FTO: variants seen among roughly 807,000 people sequenced by gnomAD.
FTO encodes FTO alpha-ketoglutarate dependent dioxygenase, also known as alpha-ketoglutarate-dependent dioxygenase FTO.
Under a neutral mutation model 63.9 loss-of-function variants are expected in FTO, and 47 were observed. The ratio of observed to expected loss-of-function variants is 0.74; its 90% CI spans 0.58 to 0.94. The LOEUF is 0.94. FTO is among the 40% of genes least tolerant of loss of function. The probability of loss-of-function intolerance (pLI) is 0.00; values close to 1 mark genes in which losing one functional copy is unlikely to be tolerated. For missense variants in FTO, 562 were observed against 618.1 expected, an observed-to-expected ratio of 0.91 and a Z score of 0.96; for synonymous variants, 207 against 224.4, an observed-to-expected ratio of 0.92 and a Z score of 0.69.
chr16:53,827,006 C>T (rs2079025732), intron 3 of FTO, among the ~76,000 whole-genome samples: 2 of 152,178 alleles, frequency 1.3e-5, no homozygotes, highest in African/African-American at 4.8e-5. Context: ...TTGTTCTTGG[C>T]TTCCTATAGT....
At chr16:53,966,408 A>G (rs2083198449) in intron 8 of FTO, among the ~76,000 whole-genome samples, 4 of 152,216 alleles carry the variant, frequency 2.6e-5, no homozygotes. Context: ...ATTGTGTTGA[A>G]TAAATGGCAT....
chr16:53,864,226 T>C (rs1318667174), intron 4 of FTO, among the ~76,000 whole-genome samples: 2 of 152,186 alleles, frequency 1.3e-5, no homozygotes, highest in Non-Finnish European at 2.9e-5. Flanking sequence ...AAGACTGGAT[T>C]TCAGTACTGG....
At chr16:53,706,950 C>T (rs2151454391) in intron 1 of FTO, among the ~76,000 whole-genome samples, 1 of 152,254 alleles carries the variant, frequency 6.6e-6, no homozygotes, top group South Asian at 2.1e-4. Flanking sequence ...AGAGTCTTTA[C>T]ATTTTTATTT....
intron 1 of FTO, among the ~76,000 whole-genome samples, chr16:53,761,513 A>G (rs2077069243): frequency 6.6e-6 from 1 of 152,224 alleles, no homozygotes; most frequent in Admixed American, 6.5e-5. Context: ...TTAATCATTA[A>G]TTTGTATGTC....
At chr16:53,943,017 TC>T (rs1418954333) in intron 8 of FTO, among the ~76,000 whole-genome samples, 1 of 152,186 alleles carries the variant, frequency 6.6e-6, no homozygotes, top group Non-Finnish European at 1.5e-5. Context: ...CTAGTTGCCA[TC>T]CGGGTCTTTT....
intron 8 of FTO, among the ~76,000 whole-genome samples, chr16:54,038,135 C>T (rs185026450): frequency 2.0e-4 from 31 of 152,228 alleles, no homozygotes; most frequent in Admixed American, 3.9e-4. Context: ...GCTAAAGCTG[C>T]ATTAAATTAT....
At chr16:53,986,692 G>T (rs1459158878) in intron 8 of FTO, among the ~76,000 whole-genome samples, 1 of 152,160 alleles carries the variant, frequency 6.6e-6, no homozygotes, top group Non-Finnish European at 1.5e-5. Flanking sequence ...ATCTCTAGTA[G>T]AGTGTGTCTA....
chr16:53,751,328 G>A (rs1339501989), intron 1 of FTO, among the ~76,000 whole-genome samples: 2 of 152,048 alleles, frequency 1.3e-5, no homozygotes, highest in Admixed American at 6.5e-5. Context: ...CGTGGTGGCC[G>A]GTGCCTGTAG....
intron 5 of FTO, among the ~76,000 whole-genome samples, chr16:53,874,490 T>G (rs558421442): frequency 1.1e-3 from 167 of 152,274 alleles, no homozygotes; most frequent in Non-Finnish European, 1.7e-3. Context: ...ATGTACTCAG[T>G]TAAGAGGGGT....
chr16:53,934,199 T>G, intron 8 of FTO, 90 bp downstream of exon 8: 2 of 1,410,498 alleles, frequency 1.4e-6, no homozygotes, highest in Non-Finnish European at 2.0e-6. Context: ...CCTCATCCCT[T>G]TCCTTTGAGG....
At position 54,011,917 on chromosome 16, in the gene FTO, C is replaced by G. The variant is rs961597167; in HGVS notation, c.1364+77808C>G. Among the ~76,000 whole-genome samples the G allele has an allele frequency of 2.0e-4, 31 of 152,154 alleles. 1 individual carries two copies. Among genetic ancestry groups the G allele is most frequent in the Admixed American group, 1.8e-3 (28 of 15,276 alleles). On this transcript the variant is annotated intron_variant, in intron 8 of 8. Coordinates refer to ENST00000471389, the MANE Select transcript of FTO (RefSeq NM_001080432.3). ...CCATTCCTTCATCTCTCTCCCTCTC[C>G]TCAGGCTTCCCTATTCCTTGAGACA...
At chr16:53,808,461 T>A (rs2078429715) in intron 1 of FTO, among the ~76,000 whole-genome samples, 1 of 152,176 alleles carries the variant, frequency 6.6e-6, no homozygotes, top group Non-Finnish European at 1.5e-5. Flanking sequence ...AAGAGTAGAA[T>A]TTGGTTTTGT....
chr16:54,005,642 C>CTCAT (rs1246428961), intron 8 of FTO, among the ~76,000 whole-genome samples: 1 of 152,096 alleles, frequency 6.6e-6, no homozygotes, highest in African/African-American at 2.4e-5. Flanking sequence ...CCAACTAGCT[C>CTCAT]TCATTCATTC....
At chr16:53,926,791 A>T (rs552567198) in intron 7 of FTO, among the ~76,000 whole-genome samples, 8 of 152,168 alleles carry the variant, frequency 5.3e-5, no homozygotes, top group African/African-American at 1.7e-4. Context: ...ATAAAATATG[A>T]GAAGTAAGCA....
At chr16:53,973,277 G>A (rs558350901) in intron 8 of FTO, among the ~76,000 whole-genome samples, 78 of 152,226 alleles carry the variant, frequency 5.1e-4, no homozygotes, top group African/African-American at 1.8e-3. Context: ...TCCCCTTGTC[G>A]GACATGGAGC....
At chr16:53,966,016 C>T (rs557452967) in intron 8 of FTO, among the ~76,000 whole-genome samples, 27 of 152,094 alleles carry the variant, frequency 1.8e-4, no homozygotes, top group Middle Eastern at 3.4e-3. Flanking sequence ...TACAGGCATA[C>T]GCCACCACGC....
intron 8 of FTO, among the ~76,000 whole-genome samples, chr16:53,975,350 C>T (rs555786378): frequency 1.6e-4 from 25 of 151,842 alleles, no homozygotes; most frequent in Non-Finnish European, 3.2e-4. Context: ...TTATTTTATG[C>T]TAATTTCTCC....
chr16:54,007,880 A>G (rs1266310177), intron 8 of FTO, among the ~76,000 whole-genome samples: 7 of 152,242 alleles, frequency 4.6e-5, no homozygotes, highest in Admixed American at 1.3e-4. Flanking sequence ...TCTCCAGGCT[A>G]TTGGCCACCA....
intron 8 of FTO, among the ~76,000 whole-genome samples, chr16:53,951,341 G>C (rs2082796156): frequency 6.6e-6 from 1 of 152,146 alleles, no homozygotes; most frequent in South Asian, 2.1e-4. Flanking sequence ...TGTGTACTAA[G>C]CCAAGTAAGC....
Sources: gnomAD v4.1 joint callset for allele counts (sites outside exome capture counted in the v4.1 genomes callset) on GRCh38, gnomAD v4.1.1 for gene constraint, MANE v1.5 for transcripts, NCBI Gene and HGNC (gene_info 2026-07-23, HGNC 2026-07-21) for gene names.